ZSCAN18: variants seen among roughly 807,000 people sequenced by gnomAD.
ZSCAN18 encodes the protein zinc finger and SCAN domain-containing protein 18.
A neutral mutation model predicts 31.1 loss-of-function variants in ZSCAN18; 16 were observed. The ratio of observed to expected loss-of-function variants is 0.51; its 90% CI spans 0.35 to 0.78. The LOEUF (loss-of-function observed/expected upper bound fraction) is 0.78. Among genes scored for constraint, ZSCAN18 ranks in the 30% least tolerant of loss-of-function variants. The pLI is 0.01. For synonymous variants in ZSCAN18, 375 were observed against 320.7 expected (o/e 1.17, Z -1.81); for missense variants, 731 against 697.4 (o/e 1.05, Z -0.54).
In ZSCAN18 at chr19:58,085,273, G is replaced by A. The variant is rs1296294008; in HGVS notation, c.945C>T (p.Ala315=). 8 of 1,602,172 alleles carry A rather than the reference G, an allele frequency of 5.0e-6. No homozygotes were observed. The highest frequency in any genetic ancestry group is 2.2e-5 in the East Asian group (1 of 44,794). Residue 315 remains alanine, a synonymous_variant, in exon 7 of 7, where the codon GCC becomes GCT. Coordinates refer to ENST00000601144, the MANE Select transcript of ZSCAN18 (RefSeq NM_001145543.2). ...PTEAPPGDAL[A]DPPSGTTEEE... ...CCTCAGTGGTGCCCGACGGGGGATCGGCAAGGGCGTCCCCAGGGGGCGCCT... is the reference window on the plus strand; with the variant it reads ...CCTCAGTGGTGCCCGACGGGGGATCAGCAAGGGCGTCCCCAGGGGGCGCCT...
At chr19:58,087,610 T>G (rs904257950) in intron 3 of ZSCAN18, 1 of 558,314 alleles carries the variant, frequency 1.8e-6, no homozygotes, top group African/African-American at 1.9e-5. Context: ...GAGATGCCCA[T>G]TCAAGTCCAC....
chr19:58,107,425 T>C (rs541932821), intron 1 of ZSCAN18, among the ~76,000 whole-genome samples: 1 of 152,024 alleles, frequency 6.6e-6, no homozygotes, highest in East Asian at 2.0e-4. Flanking sequence ...AGTGTGATGG[T>C]GGGTACCTGT....
At position 58,090,356 on chromosome 19, in the gene ZSCAN18, G is replaced by A; in HGVS notation, c.-89C>T. 2 of 1,593,280 alleles carry A rather than the reference G, an allele frequency of 1.3e-6. No individual in the cohort carries two copies. The highest frequency in any genetic ancestry group is 1.7e-6 in the Non-Finnish European group (2 of 1,167,602). On this transcript the variant is annotated 5_prime_UTR_variant, in exon 2 of 7. Coordinates refer to ENST00000601144, the MANE Select transcript of ZSCAN18 (RefSeq NM_001145543.2). The surrounding 1 kb of genome is among the most constrained non-coding windows in gnomAD (Gnocchi z 4.7). ...GGTGCCAGGGATGACCAGATGCCCA[G>A]TGGGCTCAGGTGGTGCCAGAACCCA...
chr19:58,098,447 T>C (rs2074563885), upstream of ZSCAN18: 1 of 892,968 alleles, frequency 1.1e-6, no homozygotes, highest in Admixed American at 6.2e-5. Context: ...AGCGGGTAAA[T>C]AATAGACCCC....
exon 1 of ZSCAN18, chr19:58,118,333 G>C: frequency 2.6e-6 from 4 of 1,532,178 alleles, no homozygotes; most frequent in Non-Finnish European, 2.6e-6. Flanking sequence ...GAGGCCGCGA[G>C]AGGACGGAAC....
intron 1 of ZSCAN18, among the ~76,000 whole-genome samples, chr19:58,105,414 C>T (rs1179012355): frequency 1.3e-5 from 2 of 152,238 alleles, no homozygotes; most frequent in Non-Finnish European, 2.9e-5. Context: ...GTAATCCCAG[C>T]ACTTTGGGAG....
chr19:58,098,121 C>T, intron 1 of ZSCAN18, 53 bp downstream of exon 1: 1 of 985,498 alleles, frequency 1.0e-6, no homozygotes, highest in Non-Finnish European at 1.2e-6. Flanking sequence ...TCACCGTCTA[C>T]CCTGTTGGGG....
intron 1 of ZSCAN18, chr19:58,107,530 C>T: frequency 4.2e-6 from 2 of 472,992 alleles, no homozygotes; most frequent in Non-Finnish European, 5.5e-6. Context: ...TACTGCACTG[C>T]AGCCTGGGTG....
At chr19:58,104,026 A>C (rs1392044761) in intron 1 of ZSCAN18, among the ~76,000 whole-genome samples, 1 of 152,228 alleles carries the variant, frequency 6.6e-6, no homozygotes, top group African/African-American at 2.4e-5. Context: ...AATCCAGAGC[A>C]AGGTCCTGAC....
chr19:58,104,310 C>G (rs142278027), intron 1 of ZSCAN18, among the ~76,000 whole-genome samples: 3 of 151,566 alleles, frequency 2.0e-5, no homozygotes, highest in African/African-American at 2.4e-5. Context: ...ACCTGGGAGG[C>G]GAAGGTTGCA....
At chr19:58,086,832 TC>T (rs2074290026) in intron 5 of ZSCAN18, 73 bp downstream of exon 5, 4 of 1,158,538 alleles carry the variant, frequency 3.5e-6, no homozygotes, top group Non-Finnish European at 5.0e-6. Context: ...GTCCCTGGGG[TC>T]ACAGTCTCCT....
chr19:58,092,625 C>A, intron 1 of ZSCAN18: 5 of 638,784 alleles, frequency 7.8e-6, no homozygotes, highest in African/African-American at 2.0e-5. Context: ...AGTCAACTAT[C>A]AACCTCTCTC....
intron 1 of ZSCAN18, among the ~76,000 whole-genome samples, chr19:58,117,005 A>T (rs1232043140): frequency 1.3e-5 from 2 of 152,180 alleles, no homozygotes; most frequent in Admixed American, 1.3e-4. Context: ...CTCCTGCCTC[A>T]GCCTCCCGAG....
chr19:58,090,100 G>C lies in ZSCAN18; in HGVS notation c.168C>G (p.Val56=), dbSNP rs747481060. ...GGTGGGGCCCGGCAGCCTCCTGGTA[G>C]ACAAATTCCCGGAAACGCAGGCGGG... ...EFSRLRFREF[V]YQEAAGPHQT... Residue 56 remains valine, a synonymous_variant, in exon 2 of 7, where the codon GTC becomes GTG. Transcript: ENST00000601144. This position sits in a 1 kb window ranked among gnomAD's most constrained non-coding sequence, Gnocchi z 4.7. 6 of 1,613,848 alleles carry C rather than the reference G, an allele frequency of 3.7e-6. No individual in the cohort carries two copies. Among genetic ancestry groups the C allele is most frequent in the Middle Eastern group, 1.7e-4 (1 of 6,060 alleles).
intron 2 of ZSCAN18, among the ~76,000 whole-genome samples, chr19:58,089,398 C>T (rs867874669): frequency 6.2e-5 from 9 of 144,342 alleles, no homozygotes; most frequent in African/African-American, 1.8e-4. Context: ...GAGACCAAGG[C>T]GGGCAGATCA....
At position 58,084,394 on chromosome 19, in the gene ZSCAN18, ACCTAG is replaced by A; in HGVS notation, c.*286_*290del. ...ACTCTACACTGCACAATGTCAAATA[ACCTAG>A]CATGGGGCGGCACTAAATGGCTGCA... is the stretch of plus-strand genomic sequence containing the variant. On this transcript the variant is annotated 3_prime_UTR_variant, in exon 7 of 7. Coordinates refer to ENST00000601144, the MANE Select transcript of ZSCAN18 (RefSeq NM_001145543.2). The surrounding 1 kb of genome is among the most constrained non-coding windows in gnomAD (Gnocchi z 4.5). 2.6e-6 allele frequency: 1 copy of A among 379,048 alleles called. No homozygotes were observed. Among genetic ancestry groups the A allele is most frequent in the Non-Finnish European group, 4.7e-6 (1 of 212,832 alleles). The allele number at this position is 379,048 out of a possible 1,614,324, so 23.5% of individuals were successfully genotyped here.
chr19:58,101,201 C>T (rs370163417), upstream of ZSCAN18, among the ~76,000 whole-genome samples: 305 of 149,888 alleles, frequency 2.0e-3, 2 homozygotes, highest in Non-Finnish European at 3.1e-3. Context: ...GGCGCGATCT[C>T]GGCTCACCGC....
Position 58,106,996 on chromosome 19 carries a change from C to T in ZSCAN18, c.130+11271G>A, listed in dbSNP as rs191885905. On this transcript the variant is annotated intron_variant, in intron 1 of 1. Transcript: ENST00000595721. ...GTCAGGCTTGTCTCGAAATCCTGAC[C>T]TCGTGATCTGCCCACCTTGGCCTCC... is the stretch of plus-strand genomic sequence containing the variant. Among the ~76,000 whole-genome samples, 334 of 151,820 alleles carry T rather than the reference C, an allele frequency of 2.2e-3. 1 individual carries two copies. Among genetic ancestry groups the T allele is most frequent in the African/African-American group, 6.8e-3 (281 of 41,472 alleles).
chr19:58,104,247 C>T (rs2074616093), intron 1 of ZSCAN18, among the ~76,000 whole-genome samples: 1 of 152,082 alleles, frequency 6.6e-6, no homozygotes, highest in Non-Finnish European at 1.5e-5. Flanking sequence ...GGCATGGTGG[C>T]GTGCGCCTGT....
Sources: gnomAD v4.1 joint callset for allele counts (sites outside exome capture counted in the v4.1 genomes callset) on GRCh38, gnomAD v4.1.1 for gene constraint, Gnocchi (gnomAD v3.1) non-coding constraint, MANE v1.5 for transcripts, NCBI Gene and HGNC (gene_info 2026-07-23, HGNC 2026-07-21) for gene names.